UBR2: variants seen among roughly 807,000 people sequenced by gnomAD.
UBR2 encodes the protein E3 ubiquitin-protein ligase UBR2.
Under a neutral mutation model 247.9 loss-of-function variants are expected in UBR2, and 92 were observed. The observed-to-expected ratio is 0.37, with a 90% CI of 0.31 to 0.44. The LOEUF is 0.44. Among genes scored for constraint, UBR2 ranks in the 20% least tolerant of loss-of-function variants. The pLI, the probability that UBR2 is intolerant of heterozygous loss-of-function variation, is 1.00. For synonymous variants in UBR2, 672 were observed against 693.5 expected (o/e 0.97, Z 0.49); for missense variants, 1,613 against 2,112.6 (o/e 0.76, Z 4.64).
chr6:42,640,311 A>G, intron 16 of UBR2, 41 bp downstream of exon 16: 1 of 1,524,962 alleles, frequency 6.6e-7, no homozygotes, highest in Non-Finnish European at 8.9e-7. Flanking sequence ...CTTATTTATT[A>G]TGTTCTTTGT....
chr6:42,683,014 T>G, intron 42 of UBR2, 41 bp from the exon 43 acceptor site: 1 of 1,527,368 alleles, frequency 6.5e-7, no homozygotes, highest in South Asian at 1.2e-5. Flanking sequence ...TCTAACCCTT[T>G]AAAAGTGTTT....
intron 1 of UBR2, among the ~76,000 whole-genome samples, chr6:42,572,064 AT>A (rs201446653): frequency 5.9e-4 from 89 of 150,560 alleles, no homozygotes; most frequent in African/African-American, 1.9e-3. Context: ...TTTTATTTTT[AT>A]TTTTTTTTCC....
chr6:42,673,317 C>T (rs1798548837), intron 36 of UBR2, among the ~76,000 whole-genome samples: 1 of 152,128 alleles, frequency 6.6e-6, no homozygotes, highest in Non-Finnish European at 1.5e-5. Context: ...GCATCCGCAT[C>T]TTGGCTTGTT....
At chr6:42,608,313 A>G (rs1024445410) in intron 7 of UBR2, among the ~76,000 whole-genome samples, 2 of 152,112 alleles carry the variant, frequency 1.3e-5, no homozygotes, top group African/African-American at 2.4e-5. Flanking sequence ...TATATTGTCA[A>G]ATTTTTAAAT....
intron 23 of UBR2, among the ~76,000 whole-genome samples, chr6:42,651,507 A>G (rs114410652): frequency 4.0e-5 from 6 of 150,528 alleles, no homozygotes; most frequent in Middle Eastern, 3.4e-3. Flanking sequence ...TTTATTTTTT[A>G]TTTTTTTTGA....
At chr6:42,608,287 A>C (rs1055915851) in intron 7 of UBR2, among the ~76,000 whole-genome samples, 6 of 152,168 alleles carry the variant, frequency 3.9e-5, no homozygotes, top group African/African-American at 1.4e-4. Flanking sequence ...GTTTCTCCAC[A>C]TCTTTGTTAA....
At chr6:42,585,294 A>C (rs1045173288) in intron 2 of UBR2, among the ~76,000 whole-genome samples, 1 of 152,028 alleles carries the variant, frequency 6.6e-6, no homozygotes, top group African/African-American at 2.4e-5. Context: ...ATCCGGCTCT[A>C]TTATCATGAA....
intron 2 of UBR2, among the ~76,000 whole-genome samples, chr6:42,583,622 A>C (rs1792054780): frequency 6.6e-6 from 1 of 151,884 alleles, no homozygotes. Context: ...ACCAGGTTCA[A>C]GCCATTCTCC....
chr6:42,662,462 G>GT (rs1797873447), intron 31 of UBR2, among the ~76,000 whole-genome samples, 185 bp downstream of exon 31: 1 of 152,188 alleles, frequency 6.6e-6, no homozygotes, highest in South Asian at 2.1e-4. Context: ...TGTCAGATAT[G>GT]TTTTTTAATT....
intron 40 of UBR2, 24 bp downstream of exon 40, chr6:42,676,897 C>A (rs754684400): frequency 6.5e-7 from 1 of 1,549,690 alleles, no homozygotes; most frequent in Non-Finnish European, 8.9e-7. Context: ...CTTTACATAA[C>A]GCATTTCCCT....
At chr6:42,608,455 G>A (rs973939724) in intron 7 of UBR2, among the ~76,000 whole-genome samples, 3 of 151,888 alleles carry the variant, frequency 2.0e-5, no homozygotes, top group South Asian at 2.1e-4. Flanking sequence ...GCAAGACCCC[G>A]ACTCTACAAA....
intron 7 of UBR2, among the ~76,000 whole-genome samples, chr6:42,609,096 G>C (rs1793900528): frequency 6.6e-6 from 1 of 152,216 alleles, no homozygotes; most frequent in Non-Finnish European, 1.5e-5. Context: ...TGAAGTTAGA[G>C]TGATAAAATA....
chr6:42,680,026 G>C lies in UBR2; in HGVS notation c.4718+194G>C, dbSNP rs1229700598. 2.6e-5 allele frequency among the ~76,000 whole-genome samples: 4 copies of C among 152,038 alleles called. No individual in the cohort carries two copies. In the East Asian group the frequency reaches 7.7e-4, roughly 29 times the overall value. On this transcript the variant is annotated intron_variant, in intron 42 of 46. Transcript: ENST00000372901. Reference sequence around the variant, plus strand: ...GTTTTTGTTTTTGTTTTTGTTTTGAGACTGAGTCTTGCTCTGTCACCCAGG... The same window carrying C: ...GTTTTTGTTTTTGTTTTTGTTTTGACACTGAGTCTTGCTCTGTCACCCAGG...
At chr6:42,683,280 T>G (rs952636309) in intron 43 of UBR2, among the ~76,000 whole-genome samples, 169 bp downstream of exon 43, 1 of 152,192 alleles carries the variant, frequency 6.6e-6, no homozygotes, top group Non-Finnish European at 1.5e-5. Flanking sequence ...TCTATCAAAG[T>G]CAGAATTATG....
At chr6:42,580,236 C>T (rs1051717540) in intron 2 of UBR2, among the ~76,000 whole-genome samples, 4 of 152,058 alleles carry the variant, frequency 2.6e-5, no homozygotes, top group African/African-American at 9.7e-5. Context: ...TAAATATCTT[C>T]TAGATAATTT....
At chr6:42,600,124 A>G (rs1398193322) in intron 4 of UBR2, among the ~76,000 whole-genome samples, 3 of 152,168 alleles carry the variant, frequency 2.0e-5, no homozygotes, top group South Asian at 2.1e-4. Context: ...GCATATGATA[A>G]CAGTTAAAAT....
At chr6:42,668,149 G>A (rs1158003700) in intron 34 of UBR2, among the ~76,000 whole-genome samples, 6 of 152,218 alleles carry the variant, frequency 3.9e-5, no homozygotes, top group Admixed American at 1.3e-4. Context: ...TTCTCCTACA[G>A]TCAGGAGGGG....
intron 34 of UBR2, among the ~76,000 whole-genome samples, chr6:42,669,078 C>G (rs1417220629): frequency 6.6e-6 from 1 of 152,062 alleles, no homozygotes; most frequent in Admixed American, 6.5e-5. Flanking sequence ...CATGCACCAC[C>G]ATGTCCCACT....
chr6:42,613,432 A>G (rs1324482710), intron 8 of UBR2, among the ~76,000 whole-genome samples: 2 of 152,212 alleles, frequency 1.3e-5, no homozygotes, highest in Non-Finnish European at 2.9e-5. Context: ...TTTAAAAGTT[A>G]TCTTTCCAGG....
Sources: allele counts gnomAD v4.1 joint callset (sites outside exome capture counted in the v4.1 genomes callset), GRCh38; gene constraint gnomAD v4.1.1; transcripts MANE v1.5; gene names NCBI Gene and HGNC (gene_info 2026-07-23, HGNC 2026-07-21).